MYO1B: variants seen among roughly 807,000 people sequenced by gnomAD.
MYO1B encodes myosin IB.
MYO1B carries 72 observed loss-of-function variants against 159.7 expected under a neutral mutation model. The ratio of observed to expected loss-of-function variants is 0.45; its 90% CI spans 0.37 to 0.55. MYO1B has a LOEUF of 0.55. MYO1B is among the 20% of genes least tolerant of loss of function. The pLI is 0.00. For synonymous variants in MYO1B, 468 were observed against 473.8 expected (o/e 0.99, Z 0.16); for missense variants, 1,062 against 1,364.8 (o/e 0.78, Z 3.50).
chr2:191,291,882 A>G (rs952653936), intron 2 of MYO1B, among the ~76,000 whole-genome samples: 14 of 152,212 alleles, frequency 9.2e-5, no homozygotes, highest in African/African-American at 2.9e-4. Flanking sequence ...TAGCTACCTA[A>G]AACTAGAGTA....
Position 191,411,099 on chromosome 2 carries a change from C to T in MYO1B, c.2800C>T (p.Gln934Ter). 6.2e-7 allele frequency: 1 copy of T among 1,612,090 alleles called. No individual in the cohort carries two copies. The highest frequency in any genetic ancestry group is 8.5e-7 in the Non-Finnish European group (1 of 1,179,256). The change falls in exon 27 of 31, where the codon CAG becomes TAG. Residue 934 changes from glutamine to a stop codon, truncating the protein, a stop_gained. Coordinates refer to ENST00000392318, the MANE Select transcript of MYO1B (RefSeq NM_001130158.3). LOFTEE classifies it high-confidence loss of function. ...ATACAGGGACCAATTCACAGACCAG[C>T]AGAAACTTATTTATGAAGAGAAACT... ...KKYRDQFTDQ[Q>*]KLIYEEKLEA... is the part of the protein sequence containing the mutation.
At chr2:191,319,730 C>T (rs1408233020) in intron 3 of MYO1B, among the ~76,000 whole-genome samples, 1 of 152,082 alleles carries the variant, frequency 6.6e-6, no homozygotes. Flanking sequence ...AAAATAAATG[C>T]ATTATACTTA....
Position 191,331,670 on chromosome 2 carries a change from T to C in MYO1B, c.346+1641T>C, listed in dbSNP as rs929105142. Among the ~76,000 whole-genome samples the C allele has an allele frequency of 2.6e-5, 4 of 152,374 alleles. No homozygotes were observed. The South Asian group carries it at 8.3e-4, about 32-fold the overall frequency. On this transcript the variant is annotated intron_variant, in intron 4 of 30. Transcript: ENST00000392318. Reference sequence around the variant, plus strand: ...TAGTGAAAGGTACTATACTAGGGACTGTCCTTGCCCTTATCACATTTCGTT... The same window carrying C: ...TAGTGAAAGGTACTATACTAGGGACCGTCCTTGCCCTTATCACATTTCGTT...
chr2:191,291,191 T>C (rs755138879), intron 2 of MYO1B, among the ~76,000 whole-genome samples: 3 of 152,176 alleles, frequency 2.0e-5, no homozygotes, highest in Non-Finnish European at 2.9e-5. Flanking sequence ...GGTGGCTAGA[T>C]TGAATGTCCT....
chr2:191,366,760 T>C (rs899278637), intron 11 of MYO1B, among the ~76,000 whole-genome samples: 15 of 152,084 alleles, frequency 9.9e-5, no homozygotes, highest in African/African-American at 3.4e-4. Flanking sequence ...CCCCATGTCA[T>C]GCTCATTCTT....
Position 191,402,555 on chromosome 2 carries a change from G to C in MYO1B, c.2470-77G>C, listed in dbSNP as rs1006186250. 21 of 1,222,182 alleles carry C rather than the reference G, an allele frequency of 1.7e-5. No individual in the cohort carries two copies. In the African/African-American group the frequency reaches 2.4e-4, roughly 14 times the overall value. The allele number at this position is 1,222,182 out of a possible 1,614,324, so 75.7% of individuals were successfully genotyped here. ...TATTCATAAATTGGCTCTTCTGTTT[G>C]GTGGGATATCTTTTTCTGGTCATTT... On this transcript the variant is annotated intron_variant, in intron 23 of 30. Transcript: ENST00000392318.
intron 3 of MYO1B, among the ~76,000 whole-genome samples, chr2:191,318,576 T>A (rs994665618): frequency 6.6e-6 from 1 of 152,226 alleles, no homozygotes; most frequent in Non-Finnish European, 1.5e-5. Context: ...CTGGGAGGAT[T>A]GTCTCTAGTC....
intron 1 of MYO1B, among the ~76,000 whole-genome samples, chr2:191,261,496 C>T (rs1686808756): frequency 6.6e-6 from 1 of 152,210 alleles, no homozygotes; most frequent in Admixed American, 6.5e-5. Flanking sequence ...CATGTTCACA[C>T]TGTGTGTCCG....
chr2:191,278,902 T>A (rs1687896758), intron 2 of MYO1B, among the ~76,000 whole-genome samples: 1 of 152,236 alleles, frequency 6.6e-6, no homozygotes, highest in Non-Finnish European at 1.5e-5. Context: ...TTACCGATCA[T>A]TTTTCTTTTT....
chr2:191,248,330 TAG>T, intron 1 of MYO1B, among the ~76,000 whole-genome samples: 1 of 152,368 alleles, frequency 6.6e-6, no homozygotes, highest in African/African-American at 2.4e-5. Flanking sequence ...CAGATGCTCC[TAG>T]ATTTACAATG....
chr2:191,305,130 T>G (rs1453957152), intron 3 of MYO1B, among the ~76,000 whole-genome samples: 2 of 152,180 alleles, frequency 1.3e-5, no homozygotes, highest in African/African-American at 4.8e-5. Flanking sequence ...AGAGCCACAG[T>G]TGGAACCCAC....
At chr2:191,272,755 G>A (rs1362778174) in intron 1 of MYO1B, among the ~76,000 whole-genome samples, 1 of 152,030 alleles carries the variant, frequency 6.6e-6, no homozygotes. Flanking sequence ...AGGCATAAAG[G>A]TCCAAGTCTC....
At chr2:191,397,608 G>A (rs1240845351) in intron 21 of MYO1B, among the ~76,000 whole-genome samples, 1 of 149,060 alleles carries the variant, frequency 6.7e-6, no homozygotes, top group Non-Finnish European at 1.5e-5. Context: ...ACACAGACCC[G>A]GCAACCATCC....
At chr2:191,401,130 C>T (rs1014496506) in intron 23 of MYO1B, among the ~76,000 whole-genome samples, 12 of 151,964 alleles carry the variant, frequency 7.9e-5, no homozygotes, top group South Asian at 6.2e-4. Context: ...GGTTCCCCCC[C>T]GCCCCCATTG....
rs1451374320 is a variant in MYO1B, at chr2:191,414,153, G to A, written c.2979G>A (p.Val993=). ...IEEKIIIAEV[V]NKINRANGKS... ...AAAAGATCATCATTGCTGAAGTCGT[G>A]AACAAAATTAACCGTGCTAATGGGA... is the stretch of plus-strand genomic sequence containing the variant. The change falls in exon 28 of 31, where the codon GTG becomes GTA. Residue 993 remains valine, a synonymous_variant. Transcript: ENST00000392318. The A allele has an allele frequency of 6.2e-7, 1 of 1,613,174 alleles. No individual in the cohort carries two copies.
chr2:191,361,131 A>G (rs1693645988), intron 8 of MYO1B, among the ~76,000 whole-genome samples: 1 of 152,178 alleles, frequency 6.6e-6, no homozygotes. Flanking sequence ...GACTGTGCAG[A>G]TGATTCAGTC....
At chr2:191,370,143 T>A in intron 12 of MYO1B, 84 bp from the exon 13 acceptor site, 2 of 854,568 alleles carry the variant, frequency 2.3e-6, no homozygotes, top group Non-Finnish European at 3.7e-6. Flanking sequence ...ATAATTAATT[T>A]GTAATATATA....
intron 1 of MYO1B, chr2:191,246,413 C>T (rs1043537574): frequency 1.3e-5 from 2 of 152,232 alleles, no homozygotes; most frequent in Non-Finnish European, 2.9e-5. Flanking sequence ...ATGTGAGTTT[C>T]TAGAGCTTAT....
At chr2:191,310,141 G>A (rs1360894286) in intron 3 of MYO1B, among the ~76,000 whole-genome samples, 1 of 152,176 alleles carries the variant, frequency 6.6e-6, no homozygotes, top group African/African-American at 2.4e-5. Context: ...GGAACAAGTT[G>A]GAAGTGCAGA....
Sources: gnomAD v4.1 joint callset for allele counts (sites outside exome capture counted in the v4.1 genomes callset) on GRCh38, gnomAD v4.1.1 for gene constraint, MANE v1.5 for transcripts, NCBI Gene and HGNC (gene_info 2026-07-23, HGNC 2026-07-21) for gene names.